The following LRRC4C variants were observed in gnomAD, a reference collection of about 807,000 sequenced individuals.
LRRC4C encodes the protein leucine-rich repeat-containing protein 4C.
In LRRC4C, 5 loss-of-function variants were observed where a neutral mutation model predicts 33.6. The observed-to-expected ratio is 0.15, with a 90% confidence interval of 0.08 to 0.31. LRRC4C has a LOEUF of 0.31. LRRC4C is among the 10% of genes least tolerant of loss of function. The pLI, the probability that LRRC4C is intolerant of heterozygous loss-of-function variation, is 1.00. For missense variants in LRRC4C, 560 were observed against 796.7 expected (o/e 0.70, Z 3.58); for synonymous variants, 329 against 302.0 (o/e 1.09, Z -0.93).
At chr11:41,036,773 C>T (rs1299906717) in intron 1 of LRRC4C, among the ~76,000 whole-genome samples, 2 of 152,080 alleles carry the variant, frequency 1.3e-5, no homozygotes, top group Non-Finnish European at 2.9e-5. Context: ...AAAGAGATTT[C>T]AAAGTATCAC....
chr11:40,529,407 G>C (rs1045317568), intron 3 of LRRC4C, among the ~76,000 whole-genome samples: 4 of 152,082 alleles, frequency 2.6e-5, no homozygotes, highest in Non-Finnish European at 5.9e-5. Flanking sequence ...AACAGTGAAT[G>C]ACAGGGTAGA....
At chr11:41,324,212 C>T (rs1000398623) in intron 1 of LRRC4C, among the ~76,000 whole-genome samples, 4 of 152,114 alleles carry the variant, frequency 2.6e-5, no homozygotes, top group African/African-American at 9.7e-5. Context: ...GGGAGGATCA[C>T]CTGAGGTCAG....
At chr11:41,014,446 G>A (rs1315031715) in intron 1 of LRRC4C, among the ~76,000 whole-genome samples, 1 of 151,174 alleles carries the variant, frequency 6.6e-6, no homozygotes, top group African/African-American at 2.4e-5. Flanking sequence ...CACAGTGCAT[G>A]TGTGTTGTTG....
chr11:40,966,406 A>G (rs749765287), intron 1 of LRRC4C, among the ~76,000 whole-genome samples: 1 of 151,962 alleles, frequency 6.6e-6, no homozygotes, highest in Admixed American at 6.6e-5. Context: ...GAGTTTTTAC[A>G]TATGGGGCTA....
intron 3 of LRRC4C, among the ~76,000 whole-genome samples, chr11:40,434,583 T>C (rs1179081560): frequency 6.6e-6 from 1 of 152,198 alleles, no homozygotes; most frequent in Non-Finnish European, 1.5e-5. Flanking sequence ...TGGTAGCCCA[T>C]GATTTTCAAC....
At chr11:41,238,984 T>C (rs969850376) in intron 1 of LRRC4C, among the ~76,000 whole-genome samples, 4 of 151,998 alleles carry the variant, frequency 2.6e-5, no homozygotes, top group African/African-American at 7.2e-5. Flanking sequence ...ATTTCTATTC[T>C]GATAGAAAGT....
At chr11:41,157,894 T>C (rs2136005048) in intron 1 of LRRC4C, among the ~76,000 whole-genome samples, 2 of 152,214 alleles carry the variant, frequency 1.3e-5, no homozygotes, top group East Asian at 3.9e-4. Context: ...TCCATTGTGT[T>C]ACAAACAATC....
chr11:41,201,567 T>C (rs1416368450), intron 1 of LRRC4C, among the ~76,000 whole-genome samples: 1 of 152,162 alleles, frequency 6.6e-6, no homozygotes, highest in Non-Finnish European at 1.5e-5. Flanking sequence ...AGCTACCGTT[T>C]TTCCTGATGT....
At chr11:41,180,914 A>C (rs182316928) in intron 1 of LRRC4C, among the ~76,000 whole-genome samples, 21 of 152,310 alleles carry the variant, frequency 1.4e-4, no homozygotes, top group Admixed American at 1.4e-3. Context: ...AGTGATTAAA[A>C]AAAAAATGGT....
intron 6 of LRRC4C, among the ~76,000 whole-genome samples, chr11:40,126,692 G>A (rs1041029699): frequency 1.6e-3 from 245 of 152,248 alleles, no homozygotes; most frequent in Middle Eastern, 3.4e-3. Context: ...CGGGCGTGGT[G>A]GCTCACATCT....
chr11:40,584,001 A>G (rs1259747998), intron 3 of LRRC4C, among the ~76,000 whole-genome samples: 1 of 151,548 alleles, frequency 6.6e-6, no homozygotes, highest in Non-Finnish European at 1.5e-5. Context: ...AAGTCTTTCC[A>G]GCTTCCTAAG....
Position 40,703,901 on chromosome 11 carries a change from AAT to A in LRRC4C, c.-406-55625_-406-55624del, listed in dbSNP as rs754608572. 1.2e-4 allele frequency among the ~76,000 whole-genome samples: 19 copies of A among 152,288 alleles called. No homozygotes were observed. The East Asian group carries it at 3.5e-3, about 28-fold the overall frequency. On this transcript the variant is annotated intron_variant, in intron 2 of 6. Transcript: ENST00000528697. ...TTTTAGTAATTAATCTTACCATTTT[AAT>A]AAAAAGATTAAGTCATTAAAAGAAT... is the stretch of plus-strand genomic sequence containing the variant.
chr11:41,440,698 G>A (rs570022460), intron 1 of LRRC4C, among the ~76,000 whole-genome samples: 1 of 152,160 alleles, frequency 6.6e-6, no homozygotes, highest in Non-Finnish European at 1.5e-5. Flanking sequence ...GGAGGTGACT[G>A]GATCATAGGG....
chr11:41,363,593 C>T (rs1952432364), intron 1 of LRRC4C, among the ~76,000 whole-genome samples: 1 of 152,182 alleles, frequency 6.6e-6, no homozygotes, highest in African/African-American at 2.4e-5. Context: ...ATTTCTCTAT[C>T]AGCTCCCGTC....
intron 1 of LRRC4C, among the ~76,000 whole-genome samples, chr11:41,422,817 TAAG>T (rs1305631512): frequency 6.6e-6 from 1 of 151,824 alleles, no homozygotes; most frequent in East Asian, 1.9e-4. Context: ...AATAAAGAAA[TAAG>T]AAATACAAAA....
intron 1 of LRRC4C, among the ~76,000 whole-genome samples, chr11:40,945,507 G>A (rs754546628): frequency 1.8e-4 from 27 of 152,062 alleles, no homozygotes; most frequent in East Asian, 3.9e-4. Flanking sequence ...GAACACAATC[G>A]TACCCCTTAA....
chr11:40,235,254 A>C (rs975667574), intron 5 of LRRC4C, among the ~76,000 whole-genome samples: 1 of 152,226 alleles, frequency 6.6e-6, no homozygotes, highest in Admixed American at 6.5e-5. Flanking sequence ...ATTAAACAAA[A>C]ATATGCTTGT....
intron 3 of LRRC4C, among the ~76,000 whole-genome samples, chr11:40,546,087 TTCCTTCCTTCC>T (rs1429662326): frequency 8.5e-5 from 1 of 11,776 alleles, no homozygotes. Flanking sequence ...CCTTCCTACC[TTCCTTCCTTCC>T]TTCCTTCCTT....
intron 1 of LRRC4C, among the ~76,000 whole-genome samples, chr11:41,103,451 C>T (rs1401625018): frequency 6.6e-6 from 1 of 150,936 alleles, no homozygotes; most frequent in Non-Finnish European, 1.5e-5. Context: ...ACTGAGTAGT[C>T]ATAATGTCAT....
Sources: gnomAD v4.1 joint callset for allele counts (sites outside exome capture counted in the v4.1 genomes callset) on GRCh38, gnomAD v4.1.1 for gene constraint, MANE v1.5 for transcripts, NCBI Gene and HGNC (gene_info 2026-07-23, HGNC 2026-07-21) for gene names.